The following RPH3AL variants were observed in gnomAD, a reference collection of about 807,000 sequenced individuals.
The protein encoded by RPH3AL is rab effector Noc2.
A neutral mutation model predicts 43.1 loss-of-function variants in RPH3AL; 38 were observed. That is an observed-to-expected ratio of 0.88 (90% CI 0.68 to 1.15). RPH3AL has a LOEUF of 1.15. Among genes scored for constraint, RPH3AL ranks in the 50% most tolerant of loss-of-function variants. RPH3AL has a pLI of 0.00. For missense variants in RPH3AL, 462 were observed against 423.2 expected (o/e 1.09, Z -0.81); for synonymous variants, 189 against 176.3 (o/e 1.07, Z -0.57).
intron 7 of RPH3AL, among the ~76,000 whole-genome samples, chr17:222,026 C>A (rs202198136): frequency 5.7e-4 from 60 of 104,854 alleles, no homozygotes; most frequent in Middle Eastern, 5.3e-3. Flanking sequence ...TAGACCCAAG[C>A]ACAACAGCTC....
At chr17:324,710 C>CTATCTAT (rs1204379795) in intron 3 of RPH3AL, among the ~76,000 whole-genome samples, 4,268 of 151,066 alleles carry the variant, frequency 0.028, 89 homozygotes, top group Middle Eastern at 0.048. Flanking sequence ...TAGCTATGTA[C>CTATCTAT]CTATCTATCT....
intron 6 of RPH3AL, among the ~76,000 whole-genome samples, chr17:271,218 C>CA (rs1428914708): frequency 1.3e-5 from 2 of 152,170 alleles, no homozygotes; most frequent in East Asian, 3.9e-4. Context: ...GTGATGCCTC[C>CA]AGCTTTGTTC....
chr17:295,239 A>C (rs2043146018), intron 5 of RPH3AL, among the ~76,000 whole-genome samples: 1 of 145,900 alleles, frequency 6.9e-6, no homozygotes, highest in Non-Finnish European at 1.5e-5. Flanking sequence ...GATGCTGCAG[A>C]AATGGACAGC....
chr17:281,541 T>C (rs1382543682), intron 6 of RPH3AL, among the ~76,000 whole-genome samples: 2 of 151,730 alleles, frequency 1.3e-5, no homozygotes, highest in African/African-American at 4.8e-5. Flanking sequence ...CACCCCTGCA[T>C]AGGGGAAGTG....
At chr17:311,422 A>G (rs2043643595) in intron 5 of RPH3AL, among the ~76,000 whole-genome samples, 1 of 152,026 alleles carries the variant, frequency 6.6e-6, no homozygotes, top group Non-Finnish European at 1.5e-5. Flanking sequence ...CTCTGCCCTC[A>G]GCCTTTCAGA....
Position 236,471 on chromosome 17 carries a change from T to G in RPH3AL, c.613+10640A>C, listed in dbSNP as rs886082065. ...GACACTGGCCACGCCATCCGTTATG[T>G]TTGACTATCGGACACAGAACAGAAA... On this transcript the variant is annotated intron_variant, in intron 7 of 9. Coordinates refer to ENST00000331302, the MANE Select transcript of RPH3AL (RefSeq NM_006987.4). Among the ~76,000 whole-genome samples the G allele has an allele frequency of 7.8e-4, 119 of 152,226 alleles. 1 individual carries two copies. Among genetic ancestry groups the G allele is most frequent in the Non-Finnish European group, 4.6e-4 (31 of 68,024 alleles).
intron 5 of RPH3AL, among the ~76,000 whole-genome samples, chr17:293,013 T>C (rs1003057155): frequency 2.0e-5 from 3 of 152,198 alleles, no homozygotes; most frequent in Non-Finnish European, 4.4e-5. Flanking sequence ...ACGTCCTCCA[T>C]CCTGGCTGCT....
At chr17:271,258 G>T (rs2042456805) in intron 6 of RPH3AL, among the ~76,000 whole-genome samples, 1 of 152,176 alleles carries the variant, frequency 6.6e-6, no homozygotes, top group Admixed American at 6.5e-5. Flanking sequence ...TGGCAATGCG[G>T]GCTCTTTTTT....
At chr17:335,199 C>T (rs1353489522) in intron 1 of RPH3AL, among the ~76,000 whole-genome samples, 1 of 152,102 alleles carries the variant, frequency 6.6e-6, no homozygotes, top group Non-Finnish European at 1.5e-5. Flanking sequence ...AAAGGGGGCC[C>T]GGGTATGAGG....
intron 6 of RPH3AL, among the ~76,000 whole-genome samples, chr17:271,366 C>A (rs1363318084): frequency 6.6e-6 from 1 of 152,186 alleles, no homozygotes; most frequent in African/African-American, 2.4e-5. Flanking sequence ...TTACCTTGGG[C>A]AGTATGGCCA....
At chr17:263,308 C>T (rs1188198538) in intron 6 of RPH3AL, among the ~76,000 whole-genome samples, 4 of 152,150 alleles carry the variant, frequency 2.6e-5, no homozygotes, top group Admixed American at 2.6e-4. Flanking sequence ...AAAGTAATAA[C>T]ACAACGATCA....
At chr17:280,741 C>T (rs903499960) in intron 6 of RPH3AL, among the ~76,000 whole-genome samples, 6 of 152,108 alleles carry the variant, frequency 3.9e-5, no homozygotes, top group Admixed American at 2.0e-4. Context: ...GAAAGGACCA[C>T]AGAAAGATAA....
intron 1 of RPH3AL, among the ~76,000 whole-genome samples, chr17:347,880 G>T (rs1034740958): frequency 6.6e-6 from 1 of 151,894 alleles, no homozygotes; most frequent in Non-Finnish European, 1.5e-5. Flanking sequence ...AAATGAGCTA[G>T]TAAGGCTGGG....
chr17:325,133 T>C (rs1000053547), intron 3 of RPH3AL, among the ~76,000 whole-genome samples: 2 of 152,206 alleles, frequency 1.3e-5, no homozygotes, highest in Admixed American at 1.3e-4. Context: ...AGTGCTGGGA[T>C]TACAGGCGTG....
intron 5 of RPH3AL, among the ~76,000 whole-genome samples, chr17:317,579 C>G (rs910797975): frequency 6.6e-6 from 1 of 152,136 alleles, no homozygotes; most frequent in African/African-American, 2.4e-5. Flanking sequence ...AGGGCCTTGG[C>G]AAGGCTGAAG....
intron 1 of RPH3AL, among the ~76,000 whole-genome samples, chr17:336,658 C>T (rs552600790): frequency 5.9e-5 from 9 of 152,296 alleles, no homozygotes; most frequent in East Asian, 3.9e-4. Context: ...CGTGTGATTC[C>T]CCTGCTCAGA....
intron 7 of RPH3AL, among the ~76,000 whole-genome samples, chr17:226,631 C>T (rs368274609): frequency 1.0e-3 from 153 of 152,330 alleles, no homozygotes; most frequent in African/African-American, 3.5e-3. Context: ...AACACAAACA[C>T]GGTGTCCCCA....
At chr17:248,110 T>G (rs920878837) in intron 6 of RPH3AL, among the ~76,000 whole-genome samples, 2 of 152,026 alleles carry the variant, frequency 1.3e-5, no homozygotes, top group African/African-American at 2.4e-5. Flanking sequence ...CCCAGCCACG[T>G]GTACCTGCAG....
chr17:267,066 A>T (rs977163505), intron 6 of RPH3AL, among the ~76,000 whole-genome samples: 2 of 152,212 alleles, frequency 1.3e-5, no homozygotes, highest in African/African-American at 4.8e-5. Flanking sequence ...GTCACCTGTG[A>T]TGAGGAAAGG....
Sources: allele counts gnomAD v4.1 joint callset (sites outside exome capture counted in the v4.1 genomes callset), GRCh38; gene constraint gnomAD v4.1.1; transcripts MANE v1.5; gene names NCBI Gene and HGNC (gene_info 2026-07-23, HGNC 2026-07-21).